RAP1GAP2: variants seen among roughly 807,000 people sequenced by gnomAD.
RAP1GAP2 encodes RAP1 GTPase activating protein 2, also known as rap1 GTPase-activating protein 2.
Under a neutral mutation model 95.0 loss-of-function variants are expected in RAP1GAP2, and 27 were observed. The observed-to-expected ratio is 0.28, with a 90% CI of 0.21 to 0.39. RAP1GAP2 has a LOEUF of 0.39. Ranked by LOEUF, RAP1GAP2 falls within the 10% of genes least tolerant of loss-of-function variation. RAP1GAP2 has a pLI of 1.00. For synonymous variants in RAP1GAP2, 373 were observed against 380.9 expected, an observed-to-expected ratio of 0.98 and a Z score of 0.24; for missense variants, 771 against 970.0, an observed-to-expected ratio of 0.79 and a Z score of 2.72.
At chr17:2,794,602 G>A (rs937132944), upstream of RAP1GAP2, among the ~76,000 whole-genome samples, 6 of 152,244 alleles carry the variant, frequency 3.9e-5, no homozygotes, top group African/African-American at 1.4e-4. Context: ...TGGAGGTAGA[G>A]AGTCAGCCCC....
chr17:3,007,049 T>G (rs2046365521), intron 16 of RAP1GAP2, among the ~76,000 whole-genome samples: 3 of 150,316 alleles, frequency 2.0e-5, no homozygotes, highest in South Asian at 4.2e-4. Flanking sequence ...GAGGAAAGAG[T>G]GGGGAAGGGA....
chr17:2,820,619 CAAAA>C (rs528845347), intron 2 of RAP1GAP2, among the ~76,000 whole-genome samples: 5 of 86,992 alleles, frequency 5.7e-5, no homozygotes, highest in Non-Finnish European at 5.2e-5. Flanking sequence ...GACACCGTCT[CAAAA>C]AAAAAAAAAA....
intron 3 of RAP1GAP2, among the ~76,000 whole-genome samples, chr17:2,955,656 G>C (rs1013458267): frequency 3.9e-5 from 6 of 152,182 alleles, no homozygotes; most frequent in Admixed American, 3.9e-4. Context: ...GAAGCCACCT[G>C]GGTCTGGGCT....
intron 8 of RAP1GAP2, among the ~76,000 whole-genome samples, chr17:2,976,141 G>A (rs1317773087): frequency 6.6e-6 from 1 of 152,210 alleles, no homozygotes; most frequent in Admixed American, 6.5e-5. Flanking sequence ...TATAGTGGGA[G>A]ATTTTGACAA....
chr17:2,758,112 G>T (rs547268053), intron 1 of RAP1GAP2, among the ~76,000 whole-genome samples: 2 of 147,718 alleles, frequency 1.4e-5, no homozygotes, highest in South Asian at 4.3e-4. Context: ...CTCATGATCC[G>T]CCCGCCTTGG....
chr17:2,872,461 A>T (rs1240718549), intron 2 of RAP1GAP2, among the ~76,000 whole-genome samples: 4 of 149,848 alleles, frequency 2.7e-5, no homozygotes. Context: ...ACAGAGGCTT[A>T]TCTCAGGAGG....
intron 1 of RAP1GAP2, among the ~76,000 whole-genome samples, chr17:2,762,915 ATCC>A (rs1404660887): frequency 6.6e-6 from 1 of 151,988 alleles, no homozygotes; most frequent in Non-Finnish European, 1.5e-5. Flanking sequence ...GACTCAAGCA[ATCC>A]TCCTACCTCA....
chr17:2,964,052 G>C lies in RAP1GAP2; in HGVS notation c.476G>C (p.Arg159Thr), dbSNP rs2044466114. The C allele has an allele frequency of 6.2e-7, 1 of 1,610,486 alleles. No homozygotes were observed. The highest frequency in any genetic ancestry group is 1.3e-5 in the African/African-American group (1 of 74,368). Residue 159 changes from arginine (R) to threonine (T), a missense_variant, in exon 7 of 25, where the codon AGG (arginine) becomes ACG (threonine). Coordinates refer to ENST00000254695, the MANE Select transcript of RAP1GAP2 (RefSeq NM_015085.5). ...ECKGEARAYR[R>T]HFLGKDHLNF... ...AAGGGTGAAGCCAGGGCCTACCGGA[G>C]GCACTTCCTGGGGAAGGTGAGGCTG...
intron 2 of RAP1GAP2, among the ~76,000 whole-genome samples, chr17:2,801,382 G>A (rs2069285646): frequency 6.6e-6 from 1 of 151,272 alleles, no homozygotes; most frequent in South Asian, 2.1e-4. Context: ...GGCTGAAGCA[G>A]GAGAATCACT....
intron 18 of RAP1GAP2, 146 bp downstream of exon 18, chr17:3,018,344 G>C (rs575518949): frequency 8.8e-6 from 10 of 1,141,038 alleles, no homozygotes; most frequent in Non-Finnish European, 1.1e-5. Flanking sequence ...GGCTGCTTGG[G>C]GGTGACCCTG....
At position 2,825,394 on chromosome 17, in the gene RAP1GAP2, T is replaced by C. The variant is rs1366682799; in HGVS notation, c.80+24844T>C. ...AATTGGAATACAGGAAGCAAGAACATGAGTGTTCACGCTTTGACTGAGCTG... is the reference window on the plus strand; with the variant it reads ...AATTGGAATACAGGAAGCAAGAACACGAGTGTTCACGCTTTGACTGAGCTG... On this transcript the variant is annotated intron_variant, in intron 2 of 24. Transcript: ENST00000254695. This position sits in a 1 kb window ranked among gnomAD's most constrained non-coding sequence, Gnocchi z 4.1. 6.6e-6 allele frequency among the ~76,000 whole-genome samples: 1 copy of C among 152,120 alleles called. No homozygotes were observed. The highest frequency in any genetic ancestry group is 2.4e-5 in the African/African-American group (1 of 41,440).
At chr17:2,925,965 C>T (rs1344405790) in intron 3 of RAP1GAP2, among the ~76,000 whole-genome samples, 1 of 151,922 alleles carries the variant, frequency 6.6e-6, no homozygotes, top group Non-Finnish European at 1.5e-5. Flanking sequence ...ATGGCGAAAG[C>T]CCTGTCTCTA....
At chr17:2,861,649 TTG>T (rs920933910) in intron 2 of RAP1GAP2, among the ~76,000 whole-genome samples, 8 of 110,110 alleles carry the variant, frequency 7.3e-5, no homozygotes, top group Admixed American at 1.7e-4. Context: ...TGTATTTTTT[TTG>T]GGGGGGGGGA....
chr17:3,037,107 C>G lies in RAP1GAP2; in HGVS notation c.*3746C>G, dbSNP rs1344120274. The G allele has an allele frequency of 1.3e-5, 2 of 152,668 alleles. No homozygotes were observed. Among genetic ancestry groups the G allele is most frequent in the Non-Finnish European group, 2.9e-5 (2 of 68,054 alleles). The allele number at this position is 152,668 out of a possible 1,614,324, so 9.5% of individuals were successfully genotyped here. A position where few individuals can be genotyped will look rare whatever the true frequency, so the allele number is the denominator to read the frequency against. ...GGCTGGGGTATTCTTTTACCAAACT[C>G]TGTTTTACCGCCAGCCCCTTGTACA... On this transcript the variant is annotated 3_prime_UTR_variant, in exon 25 of 25. Transcript: ENST00000254695.
chr17:2,950,322 G>C (rs1306980463), intron 3 of RAP1GAP2, among the ~76,000 whole-genome samples: 2 of 152,108 alleles, frequency 1.3e-5, no homozygotes, highest in Non-Finnish European at 2.9e-5. Flanking sequence ...AAAATGTTGG[G>C]ATTACAGGTG....
At chr17:2,759,309 C>A (rs1283181921) in intron 1 of RAP1GAP2, among the ~76,000 whole-genome samples, 1 of 152,144 alleles carries the variant, frequency 6.6e-6, no homozygotes, top group East Asian at 1.9e-4. Context: ...GAGACAGAAT[C>A]TTGCTCTGTC....
intron 3 of RAP1GAP2, among the ~76,000 whole-genome samples, chr17:2,938,091 A>G (rs546804385): frequency 6.6e-6 from 1 of 152,312 alleles, no homozygotes; most frequent in South Asian, 2.1e-4. Context: ...GATGATCATC[A>G]CAATCCCCAT....
chr17:2,833,708 A>G (rs1157552693), intron 2 of RAP1GAP2, among the ~76,000 whole-genome samples: 1 of 151,134 alleles, frequency 6.6e-6, no homozygotes, highest in East Asian at 1.9e-4. Context: ...AAAAAAAAAA[A>G]AAAGAAAAGT....
chr17:2,931,782 A>G (rs955898687), intron 3 of RAP1GAP2, among the ~76,000 whole-genome samples: 2 of 152,214 alleles, frequency 1.3e-5, no homozygotes, highest in South Asian at 2.1e-4. Flanking sequence ...TCAGCCTGAA[A>G]TGAAACTCCC....
Sources: gnomAD v4.1 joint callset for allele counts (sites outside exome capture counted in the v4.1 genomes callset) on GRCh38, gnomAD v4.1.1 for gene constraint, Gnocchi (gnomAD v3.1) non-coding constraint, MANE v1.5 for transcripts, NCBI Gene and HGNC (gene_info 2026-07-23, HGNC 2026-07-21) for gene names.